Variants in PCDHA7 observed in about 807,000 individuals in gnomAD.
The protein encoded by PCDHA7 is protocadherin alpha-7.
PCDHA7 carries 37 observed loss-of-function variants against 57.2 expected under a neutral mutation model. That is an observed-to-expected ratio of 0.65 (90% CI 0.50 to 0.85). The LOEUF (loss-of-function observed/expected upper bound fraction) is 0.85. PCDHA7 is among the 40% of genes least tolerant of loss of function. The pLI is 0.00. For synonymous variants in PCDHA7, 553 were observed against 558.8 expected, an observed-to-expected ratio of 0.99 and a Z score of 0.15; for missense variants, 1,188 against 1,241.8, an observed-to-expected ratio of 0.96 and a Z score of 0.65.
chr5:140,853,955 T>A, intron 1 of PCDHA7: 1 of 752,642 alleles, frequency 1.3e-6, no homozygotes, highest in Non-Finnish European at 1.7e-6. Flanking sequence ...GGTCCCTTCC[T>A]TGAGCCCAGC....
chr5:140,942,588 A>T (rs1416575390), intron 1 of PCDHA7, among the ~76,000 whole-genome samples: 1 of 149,588 alleles, frequency 6.7e-6, no homozygotes, highest in South Asian at 2.1e-4. Flanking sequence ...AGGATGTCAC[A>T]TATAATTATA....
intron 1 of PCDHA7, among the ~76,000 whole-genome samples, chr5:140,955,954 T>C (rs782364189): frequency 2.0e-5 from 3 of 152,184 alleles, no homozygotes; most frequent in Non-Finnish European, 2.9e-5. Context: ...TACTTGCTTG[T>C]TGTTTGTGCA....
chr5:140,842,466 A>C, intron 1 of PCDHA7: 1 of 1,613,912 alleles, frequency 6.2e-7, no homozygotes, highest in Non-Finnish European at 8.5e-7. Context: ...TCAGGTGCCA[A>C]CGGGCAGGTG....
At chr5:140,895,389 C>T (rs553681530) in intron 1 of PCDHA7, among the ~76,000 whole-genome samples, 1 of 152,098 alleles carries the variant, frequency 6.6e-6, no homozygotes, top group South Asian at 2.1e-4. Context: ...CTTCAATTCT[C>T]AACACCATCA....
chr5:140,867,552 TATG>T (rs1353762493), intron 1 of PCDHA7: 1 of 152,120 alleles, frequency 6.6e-6, no homozygotes, highest in Non-Finnish European at 1.5e-5. Flanking sequence ...AGCATACACA[TATG>T]ATAACTTTTT....
rs2150350552 is a variant in PCDHA7 at position 140,843,029 on chromosome 5, G to A, written c.2355+6291G>A. ...CGCGCCGGCACTGCTGGAGCCTCGG[G>A]TGGGTGGCACTGGTGGCGCAGCGAG... On this transcript the variant is annotated intron_variant, in intron 1 of 3. Coordinates refer to ENST00000525929, the MANE Select transcript of PCDHA7 (RefSeq NM_018910.3). 4.4e-6 allele frequency: 7 copies of A among 1,595,258 alleles called. 1 individual carries two copies. Among genetic ancestry groups the A allele is most frequent in the Middle Eastern group, 1.7e-4 (1 of 5,902 alleles).
intron 1 of PCDHA7, chr5:140,882,849 T>A: frequency 1.2e-6 from 2 of 1,614,242 alleles, no homozygotes; most frequent in Non-Finnish European, 1.7e-6. Flanking sequence ...TCATTATCAC[T>A]TGTACTGAGG....
chr5:140,928,166 T>G, intron 1 of PCDHA7: 1 of 1,614,142 alleles, frequency 6.2e-7, no homozygotes, highest in South Asian at 1.1e-5. Context: ...TCACCCCCAC[T>G]TAGCACCCGA....
chr5:140,835,412 A>C lies in PCDHA7; in HGVS notation c.1029A>C (p.Val343=), dbSNP rs2150235201. The C allele has an allele frequency of 4.3e-6, 7 of 1,613,988 alleles. No homozygotes were observed. The East Asian group carries it at 1.6e-4, about 36-fold the overall frequency. Residue 343 remains valine, a synonymous_variant, in exon 1 of 4, where the codon GTA becomes GTC. Coordinates refer to ENST00000525929, the MANE Select transcript of PCDHA7 (RefSeq NM_018910.3). ...HCTVLVEVVD[V]NDNAPQLTLT... ...CAGTTCTTGTGGAAGTTGTGGATGT[A>C]AATGACAATGCTCCACAGTTGACTC...
At chr5:141,005,953 A>G (rs1036085493) in intron 3 of PCDHA7, among the ~76,000 whole-genome samples, 1 of 152,052 alleles carries the variant, frequency 6.6e-6, no homozygotes, top group Non-Finnish European at 1.5e-5. Context: ...TCTCTAACAA[A>G]CAACAATAAA....
intron 1 of PCDHA7, among the ~76,000 whole-genome samples, chr5:140,973,960 T>C (rs2096609185): frequency 6.6e-6 from 1 of 152,248 alleles, no homozygotes; most frequent in African/African-American, 2.4e-5. Flanking sequence ...TTTACAGGTG[T>C]CTTTAAATGT....
intron 1 of PCDHA7, chr5:140,929,229 C>T: frequency 6.2e-7 from 1 of 1,613,880 alleles, no homozygotes; most frequent in South Asian, 1.1e-5. Context: ...ATGCTGCCGA[C>T]CTGCGAAATC....
intron 1 of PCDHA7, among the ~76,000 whole-genome samples, chr5:140,845,454 C>T: frequency 6.7e-6 from 1 of 149,512 alleles, no homozygotes; most frequent in East Asian, 1.9e-4. Context: ...TTCTTCAACT[C>T]TCTGATATTT....
intron 1 of PCDHA7, chr5:140,863,417 G>C: frequency 7.1e-6 from 5 of 701,160 alleles, no homozygotes; most frequent in African/African-American, 1.8e-5. Context: ...CTGGTGTACC[G>C]CAGCGTAGTG....
intron 1 of PCDHA7, chr5:140,884,593 C>A: frequency 6.2e-7 from 1 of 1,614,162 alleles, no homozygotes; most frequent in Non-Finnish European, 8.5e-7. Flanking sequence ...TCAGTCCCAG[C>A]CTTCCTCCTT....
intron 1 of PCDHA7, chr5:140,883,153 A>G (rs1268982674): frequency 2.5e-6 from 4 of 1,614,120 alleles, no homozygotes; most frequent in Non-Finnish European, 8.5e-7. Flanking sequence ...CATTTACCAT[A>G]AATCCGAACA....
chr5:140,917,328 GGA>G lies in PCDHA7; in HGVS notation c.2356-61619_2356-61618del, dbSNP rs371938358. On this transcript the variant is annotated intron_variant, in intron 1 of 3. Transcript: ENST00000525929. ...TACAATTTGGTGTTCATGTGGCGGGGGAGGGGGGGGATGGTGTAGGCTTCTGT... is the reference window on the plus strand; with the variant it reads ...TACAATTTGGTGTTCATGTGGCGGGGGGGGGGGGATGGTGTAGGCTTCTGT... 4.7e-4 allele frequency among the ~76,000 whole-genome samples: 70 copies of G among 148,990 alleles called. 3 individuals are homozygous for G. Among genetic ancestry groups the G allele is most frequent in the African/African-American group, 1.3e-3 (53 of 40,184 alleles).
intron 1 of PCDHA7, among the ~76,000 whole-genome samples, chr5:140,951,417 C>G (rs1259525145): frequency 6.6e-6 from 1 of 152,044 alleles, no homozygotes; most frequent in Non-Finnish European, 1.5e-5. Context: ...AATTGGCTCA[C>G]AGTTCCACAG....
intron 1 of PCDHA7, chr5:140,875,784 C>T (rs782115108): frequency 3.7e-5 from 60 of 1,614,200 alleles, no homozygotes; most frequent in Non-Finnish European, 5.0e-5. Flanking sequence ...AGTGCAGTAT[C>T]CACCTGGAGG....
Sources: gnomAD v4.1 joint callset for allele counts (sites outside exome capture counted in the v4.1 genomes callset) on GRCh38, gnomAD v4.1.1 for gene constraint, MANE v1.5 for transcripts, NCBI Gene and HGNC (gene_info 2026-07-23, HGNC 2026-07-21) for gene names.